The following DTNB variants were observed in gnomAD, a reference collection of about 807,000 sequenced individuals.
The protein encoded by DTNB is DTN-B.
A neutral mutation model predicts 90.7 loss-of-function variants in DTNB; 63 were observed. That is an observed-to-expected ratio of 0.69 (90% CI 0.57 to 0.86). The LOEUF is 0.86. Ranked by LOEUF, DTNB falls within the 40% of genes least tolerant of loss-of-function variation. DTNB has a pLI of 0.00. For synonymous variants in DTNB, 277 were observed against 286.7 expected (o/e 0.97, Z 0.34); for missense variants, 744 against 807.1 (o/e 0.92, Z 0.95).
At chr2:25,666,809 A>T (rs1193881248) in intron 1 of DTNB, among the ~76,000 whole-genome samples, 1 of 152,180 alleles carries the variant, frequency 6.6e-6, no homozygotes, top group African/African-American at 2.4e-5. Context: ...GACAGAAAGC[A>T]AAGGAGGATG....
chr2:25,506,545 G>C (rs745442028), intron 9 of DTNB, among the ~76,000 whole-genome samples: 6 of 151,980 alleles, frequency 3.9e-5, no homozygotes, highest in Non-Finnish European at 8.8e-5. Flanking sequence ...AACAGACACT[G>C]GTGTGTGTTG....
chr2:25,648,113 T>C (rs1209578213), intron 2 of DTNB, among the ~76,000 whole-genome samples: 2 of 152,194 alleles, frequency 1.3e-5, no homozygotes, highest in Non-Finnish European at 2.9e-5. Flanking sequence ...AAGCACTTTG[T>C]ACAATCAACT....
At chr2:25,459,451 C>T (rs1315516860) in intron 10 of DTNB, among the ~76,000 whole-genome samples, 1 of 151,990 alleles carries the variant, frequency 6.6e-6, no homozygotes, top group Non-Finnish European at 1.5e-5. Flanking sequence ...TTAGCTTTTA[C>T]TCTGATATGA....
chr2:25,625,473 A>C (rs1479691902), intron 4 of DTNB, among the ~76,000 whole-genome samples: 1 of 151,350 alleles, frequency 6.6e-6, no homozygotes, highest in Non-Finnish European at 1.5e-5. Context: ...ACCATGGTCT[A>C]TGTTTTAAAC....
intron 2 of DTNB, among the ~76,000 whole-genome samples, chr2:25,640,238 T>C (rs367887308): frequency 3.9e-5 from 6 of 152,304 alleles, no homozygotes; most frequent in Admixed American, 2.0e-4. Context: ...GTAGATAGGA[T>C]TGGCCCCCAA....
intron 6 of DTNB, among the ~76,000 whole-genome samples, chr2:25,582,026 T>G (rs1484627547): frequency 6.6e-6 from 1 of 152,230 alleles, no homozygotes; most frequent in African/African-American, 2.4e-5. Context: ...CCCACCACTT[T>G]CTTAATGTGA....
At chr2:25,546,363 C>CTA (rs2082413004) in intron 8 of DTNB, among the ~76,000 whole-genome samples, 1 of 152,256 alleles carries the variant, frequency 6.6e-6, no homozygotes, top group Admixed American at 6.5e-5. Context: ...TCTTTTTCCT[C>CTA]TAAACTTTTC....
intron 10 of DTNB, among the ~76,000 whole-genome samples, chr2:25,462,495 A>G (rs1232359566): frequency 6.6e-6 from 1 of 152,206 alleles, no homozygotes; most frequent in African/African-American, 2.4e-5. Flanking sequence ...CCAGTTGGAC[A>G]ATAACTTCTC....
chr2:25,599,159 A>G (rs2065273444), intron 5 of DTNB: 1 of 151,196 alleles, frequency 6.6e-6, no homozygotes, highest in African/African-American at 2.4e-5. Context: ...GGCCAAGTCC[A>G]AGGCATTTCA....
At chr2:25,624,882 T>C (rs2073778986) in intron 4 of DTNB, among the ~76,000 whole-genome samples, 4 of 152,194 alleles carry the variant, frequency 2.6e-5, no homozygotes, top group Admixed American at 2.6e-4. Context: ...CAACTCCTTG[T>C]GGCTTTCACT....
At chr2:25,641,441 G>A (rs1433174754) in intron 2 of DTNB, among the ~76,000 whole-genome samples, 4 of 152,026 alleles carry the variant, frequency 2.6e-5, no homozygotes, top group Non-Finnish European at 4.4e-5. Flanking sequence ...TTACCTCAAA[G>A]GATATTTTAT....
chr2:25,495,393 C>T (rs1266236551), intron 9 of DTNB, among the ~76,000 whole-genome samples: 2 of 152,130 alleles, frequency 1.3e-5, no homozygotes, highest in African/African-American at 4.8e-5. Context: ...GTTACTACTA[C>T]TCTTCAAAAA....
intron 12 of DTNB, among the ~76,000 whole-genome samples, chr2:25,449,420 T>G (rs1042455452): frequency 2.6e-5 from 4 of 152,234 alleles, no homozygotes; most frequent in Admixed American, 2.6e-4. Context: ...CCAAAGTAGC[T>G]GTATGATTTT....
At chr2:25,437,951 A>T (rs1266914511) in intron 12 of DTNB, among the ~76,000 whole-genome samples, 1 of 152,238 alleles carries the variant, frequency 6.6e-6, no homozygotes, top group East Asian at 1.9e-4. Flanking sequence ...CAATAAAGAA[A>T]TGCAGGGTAA....
chr2:25,403,491 A>G (rs758112292), intron 16 of DTNB, among the ~76,000 whole-genome samples: 16 of 152,340 alleles, frequency 1.1e-4, no homozygotes, highest in Non-Finnish European at 1.6e-4. Flanking sequence ...ACCAACCAAG[A>G]GAAAAATACC....
intron 5 of DTNB, among the ~76,000 whole-genome samples, chr2:25,599,477 G>C (rs1315440383): frequency 1.3e-5 from 2 of 151,772 alleles, no homozygotes; most frequent in Non-Finnish European, 2.9e-5. Flanking sequence ...GAGTAGCTGG[G>C]ACTACAGGCG....
intron 16 of DTNB, among the ~76,000 whole-genome samples, chr2:25,408,134 C>T (rs543135807): frequency 5.3e-5 from 8 of 151,898 alleles, no homozygotes; most frequent in African/African-American, 9.7e-5. Flanking sequence ...AGAGAAACCC[C>T]GTCTCTACTG....
At chr2:25,639,366 G>C (rs2077742455) in intron 2 of DTNB, 1 of 280,758 alleles carries the variant, frequency 3.6e-6, no homozygotes, top group Admixed American at 4.9e-5. Context: ...AGGTGAGTGA[G>C]TGAACTATGA....
At chr2:25,393,315 C>A (rs1256901140) in intron 16 of DTNB, among the ~76,000 whole-genome samples, 3 of 152,134 alleles carry the variant, frequency 2.0e-5, no homozygotes, top group Non-Finnish European at 4.4e-5. Flanking sequence ...CCCCTGAGAA[C>A]TGGAACAAGA....
Sources: allele counts gnomAD v4.1 joint callset (sites outside exome capture counted in the v4.1 genomes callset), GRCh38; gene constraint gnomAD v4.1.1; transcripts MANE v1.5; gene names NCBI Gene and HGNC (gene_info 2026-07-23, HGNC 2026-07-21).